Variants in BNIP2 observed in about 807,000 individuals in gnomAD.
BNIP2 encodes the protein BCL2/adenovirus E1B 19 kDa protein-interacting protein 2.
Under a neutral mutation model 43.4 loss-of-function variants are expected in BNIP2, and 36 were observed. The ratio of observed to expected loss-of-function variants is 0.83; its 90% confidence interval spans 0.64 to 1.10. The LOEUF (loss-of-function observed/expected upper bound fraction) is 1.10, where lower values mean the gene tolerates loss of function less well. Ranked by LOEUF, BNIP2 falls within the 50% of genes least tolerant of loss-of-function variation. The pLI is 0.00. For synonymous variants in BNIP2, 146 were observed against 121.0 expected (o/e 1.21, Z -1.35); for missense variants, 417 against 374.1 (o/e 1.11, Z -0.95).
intron 4 of BNIP2, chr15:59,678,452 T>C: frequency 9.3e-7 from 1 of 1,079,882 alleles, no homozygotes; most frequent in East Asian, 8.4e-5. Flanking sequence ...GTTATGACTA[T>C]AGGTTACTTC....
rs146825975 is a variant in BNIP2, at chr15:59,688,636, C to T, written c.-58+499G>A. ...GCGGGGACTCGGCTTTTGACGTACA[C>T]ACTCTGTATTTGGTTTAGCGTACTA... On this transcript the variant is annotated intron_variant, in intron 1 of 9. Transcript: ENST00000607373. 1.4e-5 allele frequency: 20 copies of T among 1,404,556 alleles called. No homozygotes were observed. The African/African-American group carries it at 2.3e-4, about 16-fold the overall frequency. The allele number at this position is 1,404,556 out of a possible 1,614,324, so 87.0% of individuals were successfully genotyped here. A position where few individuals can be genotyped will look rare whatever the true frequency, so the allele number is the denominator to read the frequency against.
chr15:59,679,890 A>T (rs1347402687), intron 3 of BNIP2, 122 bp from the exon 4 acceptor site: 15 of 950,772 alleles, frequency 1.6e-5, no homozygotes, highest in Non-Finnish European at 1.5e-6. Context: ...ACATAATTTC[A>T]AAGCACCTAT....
Position 59,671,246 on chromosome 15 carries a change from G to A in BNIP2, c.644C>T (p.Thr215Ile). 1 of 1,600,998 alleles carries A rather than the reference G, an allele frequency of 6.2e-7. No homozygotes were observed. Residue 215 changes from threonine (T) to isoleucine (I), a missense_variant, in exon 7 of 10, where the codon ACA becomes ATA. Coordinates refer to ENST00000607373, the MANE Select transcript of BNIP2 (RefSeq NM_004330.4). ...NYMIVYLNGA[T>I]TRRKMPSLGW... is the part of the protein sequence containing the mutation. ...CAGACTGGGCATTTTTCTTCGAGTT[G>A]TTGCACCATTTAAATAAACTATCAT...
chr15:59,682,569 A>T (rs1394363293), intron 1 of BNIP2, 55 bp from the exon 2 acceptor site: 3 of 1,361,552 alleles, frequency 2.2e-6, no homozygotes, highest in Non-Finnish European at 3.1e-6. Flanking sequence ...TTATCCACTG[A>T]AAAGGCGTAA....
chr15:59,678,086 A>G lies in BNIP2; in HGVS notation c.297T>C (p.Asp99=), dbSNP rs111696483. The G allele has an allele frequency of 6.3e-7, 1 of 1,598,604 alleles. No homozygotes were observed. Among genetic ancestry groups the G allele is most frequent in the Non-Finnish European group, 8.5e-7 (1 of 1,175,512 alleles). Residue 99 remains aspartate, a splice_region_variant and synonymous_variant, in exon 5 of 10, where the codon GAT becomes GAC. Transcript: ENST00000607373. ...SENSNEFEWE[D]DLPKPKTTEV... ...CAGTAGTCTTGGGTTTTGGAAGATC[A>G]TCTGTCAAAATACAAAGTTTTTGAA...
rs1298852405 is a variant in BNIP2 at position 59,671,176 on chromosome 15, G to A, written c.707+7C>T. 1.3e-6 allele frequency: 2 copies of A among 1,584,022 alleles called. No individual in the cohort carries two copies. Among genetic ancestry groups the A allele is most frequent in the Non-Finnish European group, 1.7e-6 (2 of 1,163,868 alleles). On this transcript the variant is annotated splice_region_variant and intron_variant, in intron 7 of 9. Coordinates refer to ENST00000607373, the MANE Select transcript of BNIP2 (RefSeq NM_004330.4). ...TCAGACTAGCTTTCAACTTGTATTTGTATTACCTTCTATCAATTTGCTGAT... is the reference window on the plus strand; with the variant it reads ...TCAGACTAGCTTTCAACTTGTATTTATATTACCTTCTATCAATTTGCTGAT...
intron 9 of BNIP2, among the ~76,000 whole-genome samples, chr15:59,664,955 G>C (rs796421712): frequency 6.6e-6 from 1 of 152,162 alleles, no homozygotes; most frequent in Admixed American, 6.5e-5. Flanking sequence ...TGTTTTGACA[G>C]TAAGAAGCCT....
rs1297832708 is a variant in BNIP2 at position 59,659,910 on chromosome 15, C to T, written c.*4159G>A. 1 of 152,158 alleles carries T rather than the reference C, an allele frequency of 6.6e-6. No individual in the cohort carries two copies. Among genetic ancestry groups the T allele is most frequent in the Non-Finnish European group, 1.5e-5 (1 of 68,026 alleles). 9.4% of individuals were successfully genotyped at this position (152,158 alleles called of 1,614,324 possible). A position where few individuals can be genotyped will look rare whatever the true frequency, so the allele number is the denominator to read the frequency against. ...ATTCAAATTTTAGTGTCACTCCTTA[C>T]TGTTAAACATGCCAGACTACTTTAT... On this transcript the variant is annotated 3_prime_UTR_variant, in exon 10 of 10. Transcript: ENST00000607373.
At position 59,663,789 on chromosome 15, in the gene BNIP2, T is replaced by C; in HGVS notation, c.*280A>G. ...GAAGATGCATCATTCAATAAACAAA[T>C]GCAAAAACTACTTTATATAAAGTGT... On this transcript the variant is annotated 3_prime_UTR_variant, in exon 10 of 10. Transcript: ENST00000607373. 7.7e-6 allele frequency: 2 copies of C among 259,360 alleles called. No individual in the cohort carries two copies. The highest frequency in any genetic ancestry group is 1.4e-4 in the East Asian group (2 of 14,266). The allele number at this position is 259,360 out of a possible 1,614,324, so 16.1% of individuals were successfully genotyped here. A position where few individuals can be genotyped will look rare whatever the true frequency, so the allele number is the denominator to read the frequency against.
At chr15:59,685,733 A>G (rs6151457) in intron 1 of BNIP2, among the ~76,000 whole-genome samples, 12,901 of 152,246 alleles carry the variant, frequency 0.085, 861 homozygotes, top group East Asian at 0.29. Flanking sequence ...CTACCATTTC[A>G]TCATGAATTT....
At chr15:59,677,151 G>T (rs1042791140) in intron 5 of BNIP2, 32 of 1,591,592 alleles carry the variant, frequency 2.0e-5, no homozygotes, top group Non-Finnish European at 1.0e-5. Flanking sequence ...CATGCAGAAG[G>T]TGATTTACTA....
At chr15:59,670,983 G>A (rs1048681201) in intron 7 of BNIP2, among the ~76,000 whole-genome samples, 200 bp downstream of exon 7, 5 of 150,956 alleles carry the variant, frequency 3.3e-5, no homozygotes, top group African/African-American at 1.2e-4. Flanking sequence ...TGAGGCAGGA[G>A]AATCGCTTGA....
intron 4 of BNIP2, chr15:59,678,606 T>A: frequency 8.8e-7 from 1 of 1,130,978 alleles, no homozygotes; most frequent in Non-Finnish European, 1.1e-6. Flanking sequence ...TACTTTGAAG[T>A]ATACATGCAG....
rs1170423763 is a variant in BNIP2, at chr15:59,668,884, A to G, written c.893+8T>C. On this transcript the variant is annotated splice_region_variant and intron_variant, in intron 9 of 9. Transcript: ENST00000607373. ...CCAATACAATTAAGGAAATAAAACAAAACATACTGTTTTATGCATTCTGGT... is the reference window on the plus strand; with the variant it reads ...CCAATACAATTAAGGAAATAAAACAGAACATACTGTTTTATGCATTCTGGT... 3 of 1,605,320 alleles carry G rather than the reference A, an allele frequency of 1.9e-6. No homozygotes were observed. Among genetic ancestry groups the G allele is most frequent in the Non-Finnish European group, 1.7e-6 (2 of 1,173,662 alleles).
chr15:59,661,667 G>C lies in BNIP2; in HGVS notation c.*2402C>G, dbSNP rs1027546851. 2 of 152,156 alleles carry C rather than the reference G, an allele frequency of 1.3e-5. No homozygotes were observed. Among genetic ancestry groups the C allele is most frequent in the Non-Finnish European group, 1.5e-5 (1 of 68,032 alleles). 9.4% of individuals were successfully genotyped at this position (152,156 alleles called of 1,614,324 possible). A position where few individuals can be genotyped will look rare whatever the true frequency, so the allele number is the denominator to read the frequency against. On this transcript the variant is annotated 3_prime_UTR_variant, in exon 10 of 10. Coordinates refer to ENST00000607373, the MANE Select transcript of BNIP2 (RefSeq NM_004330.4). The stretch of plus-strand genomic sequence containing the variant: ...GTGACAGAAGCATCAAATTAAGCCA[G>C]TTAAATTAGATCCATGATCCCAACA...
chr15:59,664,946 G>A (rs1011740744), intron 9 of BNIP2, among the ~76,000 whole-genome samples: 2 of 152,166 alleles, frequency 1.3e-5, no homozygotes, highest in African/African-American at 4.8e-5. Flanking sequence ...CCTTAAATTT[G>A]TTTTGACAGT....
chr15:59,687,511 C>G (rs2142025868), intron 1 of BNIP2, among the ~76,000 whole-genome samples: 2 of 152,172 alleles, frequency 1.3e-5, no homozygotes, highest in African/African-American at 4.8e-5. Flanking sequence ...GCGACCATGC[C>G]TGGCTAATTT....
chr15:59,673,241 T>C (rs1893049005), intron 5 of BNIP2, among the ~76,000 whole-genome samples: 1 of 151,248 alleles, frequency 6.6e-6, no homozygotes, highest in Admixed American at 6.6e-5. Context: ...GCCTCCCGAG[T>C]AGCTGGGATT....
intron 1 of BNIP2, among the ~76,000 whole-genome samples, chr15:59,683,489 G>A (rs1285920492): frequency 3.3e-5 from 5 of 152,132 alleles, no homozygotes; most frequent in Non-Finnish European, 7.3e-5. Flanking sequence ...GAGATACGGA[G>A]CATCACTAGC....
Sources: allele counts gnomAD v4.1 joint callset (sites outside exome capture counted in the v4.1 genomes callset), GRCh38; gene constraint gnomAD v4.1.1; transcripts MANE v1.5; gene names NCBI Gene and HGNC (gene_info 2026-07-23, HGNC 2026-07-21).